PRKN: variants seen among roughly 807,000 people sequenced by gnomAD.
PRKN encodes E3 ubiquitin-protein ligase parkin.
PRKN carries 56 observed loss-of-function variants against 59.5 expected under a neutral mutation model. The observed-to-expected ratio is 0.94, with a 90% CI of 0.76 to 1.18. PRKN has a LOEUF of 1.18. PRKN is among the 50% of genes most tolerant of loss of function. The pLI is 0.00. For missense variants in PRKN, 657 were observed against 596.4 expected, an observed-to-expected ratio of 1.10 and a Z score of -1.06; for synonymous variants, 250 against 222.1, an observed-to-expected ratio of 1.13 and a Z score of -1.12.
At chr6:161,825,557 G>C (rs1219561053) in intron 6 of PRKN, among the ~76,000 whole-genome samples, 1 of 152,086 alleles carries the variant, frequency 6.6e-6, no homozygotes, top group Non-Finnish European at 1.5e-5. Flanking sequence ...GTTAGTCCTG[G>C]GTTTACCCGG....
intron 4 of PRKN, among the ~76,000 whole-genome samples, chr6:162,194,943 C>T (rs759234832): frequency 6.6e-6 from 1 of 152,000 alleles, no homozygotes; most frequent in African/African-American, 2.4e-5. Context: ...AAGTAAGAAG[C>T]GTCCACAAGG....
chr6:162,222,025 A>G (rs1052558660), intron 3 of PRKN, among the ~76,000 whole-genome samples: 3 of 152,174 alleles, frequency 2.0e-5, no homozygotes, highest in Non-Finnish European at 1.5e-5. Flanking sequence ...AGATAAAAGT[A>G]GATTTAATGC....
intron 4 of PRKN, among the ~76,000 whole-genome samples, chr6:162,129,573 G>T (rs561970044): frequency 1.3e-5 from 2 of 152,234 alleles, no homozygotes; most frequent in East Asian, 3.9e-4. Flanking sequence ...AACTTGGAAC[G>T]TTCCTCAATG....
intron 1 of PRKN, among the ~76,000 whole-genome samples, chr6:162,502,264 G>A (rs563867413): frequency 5.9e-5 from 9 of 152,238 alleles, no homozygotes; most frequent in African/African-American, 1.9e-4. Flanking sequence ...GGGCTCAAGC[G>A]ACCCTCCTGT....
intron 9 of PRKN, among the ~76,000 whole-genome samples, chr6:161,493,471 A>G (rs1446533159): frequency 6.6e-6 from 1 of 152,172 alleles, no homozygotes; most frequent in Non-Finnish European, 1.5e-5. Flanking sequence ...GTTCTTTACC[A>G]TCACACTCTA....
At chr6:161,777,907 T>C (rs375958978) in intron 7 of PRKN, among the ~76,000 whole-genome samples, 35 of 62,320 alleles carry the variant, frequency 5.6e-4, no homozygotes, top group South Asian at 1.5e-3. Context: ...TACATATATA[T>C]GTGTATATAT....
At chr6:162,648,124 A>C (rs1778267996) in intron 1 of PRKN, among the ~76,000 whole-genome samples, 1 of 152,120 alleles carries the variant, frequency 6.6e-6, no homozygotes, top group African/African-American at 2.4e-5. Context: ...GCGATGTAAA[A>C]TGGCAGTATT....
chr6:162,369,822 T>C (rs188721890), intron 2 of PRKN, among the ~76,000 whole-genome samples: 1 of 152,242 alleles, frequency 6.6e-6, no homozygotes, highest in East Asian at 1.9e-4. Context: ...ACATTTTGCA[T>C]AGCACTAAGG....
At chr6:162,174,416 C>G (rs1783440172) in intron 4 of PRKN, among the ~76,000 whole-genome samples, 1 of 152,124 alleles carries the variant, frequency 6.6e-6, no homozygotes, top group Non-Finnish European at 1.5e-5. Flanking sequence ...TAAATATCTT[C>G]TTTTTGGTTC....
intron 2 of PRKN, among the ~76,000 whole-genome samples, chr6:162,265,747 C>G (rs1437300361): frequency 6.6e-6 from 1 of 152,170 alleles, no homozygotes; most frequent in African/African-American, 2.4e-5. Flanking sequence ...CTGAGTCCAA[C>G]CCACTGAGGT....
At chr6:162,217,994 G>T (rs181336080) in intron 3 of PRKN, among the ~76,000 whole-genome samples, 2 of 152,268 alleles carry the variant, frequency 1.3e-5, no homozygotes, top group Non-Finnish European at 2.9e-5. Flanking sequence ...TTTAGGGTGC[G>T]ATTGAGAGGT....
intron 2 of PRKN, among the ~76,000 whole-genome samples, chr6:162,364,830 G>C (rs1261393608): frequency 6.6e-6 from 1 of 152,098 alleles, no homozygotes; most frequent in African/African-American, 2.4e-5. Context: ...AAAAAACAAA[G>C]CAACCAGGAA....
chr6:162,670,000 A>G (rs1779259332), intron 1 of PRKN, among the ~76,000 whole-genome samples: 1 of 152,242 alleles, frequency 6.6e-6, no homozygotes, highest in Non-Finnish European at 1.5e-5. Context: ...TTTAAGTTAA[A>G]CTAACAGAAA....
At chr6:161,908,019 C>T (rs1407552791) in intron 6 of PRKN, among the ~76,000 whole-genome samples, 5 of 151,930 alleles carry the variant, frequency 3.3e-5, no homozygotes, top group South Asian at 2.1e-4. Context: ...CAAAGGTTGC[C>T]GTGAGTCAAG....
intron 3 of PRKN, among the ~76,000 whole-genome samples, chr6:162,219,841 A>T (rs1777856879): frequency 1.3e-5 from 2 of 152,176 alleles, no homozygotes; most frequent in Admixed American, 6.5e-5. Flanking sequence ...AATAAAATAA[A>T]ATACCCTTGC....
Position 161,680,756 on chromosome 6 carries a change from TATATATATATATA to T in PRKN, c.871+105003_871+105015del, listed in dbSNP as rs1436187044. 4.6e-3 allele frequency among the ~76,000 whole-genome samples: 91 copies of T among 19,994 alleles called. 3 individuals are homozygous for T. The highest frequency in any genetic ancestry group is 0.043 in the Middle Eastern group (2 of 46). The allele number at this position is 19,994 out of a possible 152,430, so 13.1% of individuals were successfully genotyped here. On this transcript the variant is annotated intron_variant, in intron 7 of 11. Coordinates refer to ENST00000366898, the MANE Select transcript of PRKN (RefSeq NM_004562.3). ...ATATATATATATATATATATATATA[TATATATATATATA>T]TATATATTTTTTTTTTTTTTTCTTT... is the stretch of plus-strand genomic sequence containing the variant.
At chr6:162,438,654 A>C (rs1219724571) in intron 2 of PRKN, among the ~76,000 whole-genome samples, 1 of 152,148 alleles carries the variant, frequency 6.6e-6, no homozygotes, top group Non-Finnish European at 1.5e-5. Flanking sequence ...ATCCACTGTA[A>C]TTAGAACAAT....
At chr6:162,413,214 T>G (rs1200922308) in intron 2 of PRKN, among the ~76,000 whole-genome samples, 1 of 152,200 alleles carries the variant, frequency 6.6e-6, no homozygotes, top group Non-Finnish European at 1.5e-5. Context: ...ACAGTCTGTT[T>G]TTTTTATTGT....
At chr6:162,142,977 A>G (rs1781852187) in intron 4 of PRKN, among the ~76,000 whole-genome samples, 1 of 152,206 alleles carries the variant, frequency 6.6e-6, no homozygotes, top group Non-Finnish European at 1.5e-5. Flanking sequence ...GTTAATTCCC[A>G]ATTTTGTGAC....
Sources: gnomAD v4.1 joint callset for allele counts (sites outside exome capture counted in the v4.1 genomes callset) on GRCh38, gnomAD v4.1.1 for gene constraint, MANE v1.5 for transcripts, NCBI Gene and HGNC (gene_info 2026-07-23, HGNC 2026-07-21) for gene names.